CELF4: variants seen among roughly 807,000 people sequenced by gnomAD.
CELF4 encodes CUG-BP- and ETR-3-like factor 4.
Under a neutral mutation model 59.9 loss-of-function variants are expected in CELF4, and 18 were observed. That is an observed-to-expected ratio of 0.30 (90% CI 0.21 to 0.45). The LOEUF is 0.45. Among genes scored for constraint, CELF4 ranks in the 20% least tolerant of loss-of-function variants. CELF4 has a pLI of 1.00. For synonymous variants in CELF4, 261 were observed against 267.1 expected (o/e 0.98, Z 0.22); for missense variants, 456 against 689.0 (o/e 0.66, Z 3.79).
At chr18:37,346,543 G>A (rs1159442484) in intron 2 of CELF4, among the ~76,000 whole-genome samples, 1 of 152,210 alleles carries the variant, frequency 6.6e-6, no homozygotes, top group African/African-American at 2.4e-5. Context: ...TGTGGATGAA[G>A]ACACGCCAGG....
At chr18:37,368,787 C>T (rs2098820988) in intron 2 of CELF4, among the ~76,000 whole-genome samples, 1 of 152,232 alleles carries the variant, frequency 6.6e-6, no homozygotes, top group African/African-American at 2.4e-5. Flanking sequence ...GGAACAGCCC[C>T]GTGTGCACAC....
intron 1 of CELF4, among the ~76,000 whole-genome samples, chr18:37,494,008 A>G (rs189354816): frequency 3.4e-4 from 52 of 152,282 alleles, no homozygotes; most frequent in African/African-American, 1.2e-3. Flanking sequence ...ATTTTCCTCA[A>G]GCTAGATTTG....
intron 2 of CELF4, among the ~76,000 whole-genome samples, chr18:37,437,444 C>G (rs939959098): frequency 6.6e-6 from 1 of 152,136 alleles, no homozygotes; most frequent in Non-Finnish European, 1.5e-5. Flanking sequence ...ATATCTTCAC[C>G]AAACGATCCA....
intron 2 of CELF4, among the ~76,000 whole-genome samples, chr18:37,426,127 C>T (rs1462579365): frequency 6.6e-6 from 1 of 152,238 alleles, no homozygotes; most frequent in Non-Finnish European, 1.5e-5. Flanking sequence ...ACAGGTTCCA[C>T]AGGTTCCAGC....
chr18:37,522,369 G>A (rs190391704), intron 1 of CELF4, among the ~76,000 whole-genome samples: 254 of 152,200 alleles, frequency 1.7e-3, no homozygotes, highest in Admixed American at 5.0e-3. Flanking sequence ...ATCTCCCTGC[G>A]GCCCGGCCCC....
chr18:37,540,603 G>A (rs887624573), intron 1 of CELF4, among the ~76,000 whole-genome samples: 3 of 152,320 alleles, frequency 2.0e-5, no homozygotes, highest in South Asian at 4.1e-4. Flanking sequence ...GGGCAGGGAG[G>A]AGGGAGCTCT....
At chr18:37,320,503 C>T (rs1240875549) in intron 3 of CELF4, among the ~76,000 whole-genome samples, 1 of 152,182 alleles carries the variant, frequency 6.6e-6, no homozygotes, top group Admixed American at 6.5e-5. Flanking sequence ...AGCCACCGCC[C>T]GTCTGTCCTC....
At position 37,391,521 on chromosome 18, in the gene CELF4, C is replaced by T. The variant is rs73429248; in HGVS notation, c.370-69640G>A. Among the ~76,000 whole-genome samples the T allele has an allele frequency of 2.1e-3, 320 of 152,286 alleles. 2 individuals are homozygous for T. The highest frequency in any genetic ancestry group is 6.9e-3 in the African/African-American group (287 of 41,562). ...TTTGTGCTGGAGTGGTCCTGTCTTC[C>T]GGGCTGGGCACCCTCCACCCCATGT... On this transcript the variant is annotated intron_variant, in intron 2 of 12. Coordinates refer to ENST00000420428, the MANE Select transcript of CELF4 (RefSeq NM_020180.4).
chr18:37,369,768 T>C (rs1182465436), intron 2 of CELF4, among the ~76,000 whole-genome samples: 1 of 152,222 alleles, frequency 6.6e-6, no homozygotes, highest in East Asian at 1.9e-4. Context: ...TCTAACACCA[T>C]TCACTTTCTG....
At chr18:37,540,694 C>A (rs1349594901) in intron 1 of CELF4, among the ~76,000 whole-genome samples, 1 of 152,174 alleles carries the variant, frequency 6.6e-6, no homozygotes, top group African/African-American at 2.4e-5. Flanking sequence ...TGGAATGCAA[C>A]CTTGGCATCC....
chr18:37,284,920 C>T (rs2094577986), intron 3 of CELF4, among the ~76,000 whole-genome samples: 1 of 152,228 alleles, frequency 6.6e-6, no homozygotes, highest in Non-Finnish European at 1.5e-5. Context: ...GTGGTCTGGA[C>T]CGAGCTGAGC....
chr18:37,431,019 A>C (rs2099648375), intron 2 of CELF4, among the ~76,000 whole-genome samples: 1 of 152,152 alleles, frequency 6.6e-6, no homozygotes, highest in African/African-American at 2.4e-5. Context: ...CTGCTGGGTT[A>C]GGCTTGGGTC....
chr18:37,274,682 G>A (rs1199673677), intron 5 of CELF4, 123 bp downstream of exon 5: 6 of 1,481,964 alleles, frequency 4.0e-6, no homozygotes, highest in Non-Finnish European at 4.5e-6. Context: ...CTTGTCTGAG[G>A]CCCGGAATAA....
At chr18:37,423,931 T>C (rs2099595803) in intron 2 of CELF4, among the ~76,000 whole-genome samples, 1 of 152,024 alleles carries the variant, frequency 6.6e-6, no homozygotes, top group Non-Finnish European at 1.5e-5. Context: ...CATCTCTTCC[T>C]CATCTCTGAG....
At chr18:37,378,178 A>C (rs1457785561) in intron 2 of CELF4, among the ~76,000 whole-genome samples, 1 of 152,128 alleles carries the variant, frequency 6.6e-6, no homozygotes, top group Admixed American at 6.5e-5. Context: ...CCTCCTCTGG[A>C]GAGCAGCACT....
chr18:37,390,358 C>T (rs1195544225), intron 2 of CELF4, among the ~76,000 whole-genome samples: 3 of 152,178 alleles, frequency 2.0e-5, no homozygotes, highest in Admixed American at 6.5e-5. Flanking sequence ...CCTGTCACTT[C>T]GGCCATCTCT....
intron 2 of CELF4, among the ~76,000 whole-genome samples, chr18:37,398,400 A>G (rs1260508524): frequency 6.6e-6 from 1 of 152,134 alleles, no homozygotes; most frequent in African/African-American, 2.4e-5. Flanking sequence ...CCCTTCGTGG[A>G]CTGTGCCTCA....
In CELF4 at chr18:37,357,351, A is replaced by G. The variant is rs911767597; in HGVS notation, c.370-35470T>C. Among the ~76,000 whole-genome samples, 4 of 152,194 alleles carry G rather than the reference A, an allele frequency of 2.6e-5. 1 individual carries two copies. The highest frequency in any genetic ancestry group is 5.9e-5 in the Non-Finnish European group (4 of 68,038). On this transcript the variant is annotated intron_variant, in intron 2 of 12. Transcript: ENST00000420428. ...CGGGCTGTGGCTTCAGAGGGTGCAA[A>G]CCTCAAGCCTTGGAGCTTCCACGTG...
At chr18:37,260,658 A>T (rs1262009471) in intron 10 of CELF4, among the ~76,000 whole-genome samples, 1 of 152,230 alleles carries the variant, frequency 6.6e-6, no homozygotes, top group Non-Finnish European at 1.5e-5. Flanking sequence ...GGTTCGATTT[A>T]GAGACTCTGC....
Sources: gnomAD v4.1 joint callset for allele counts (sites outside exome capture counted in the v4.1 genomes callset) on GRCh38, gnomAD v4.1.1 for gene constraint, MANE v1.5 for transcripts, NCBI Gene and HGNC (gene_info 2026-07-23, HGNC 2026-07-21) for gene names.